DOCK2: variants seen among roughly 807,000 people sequenced by gnomAD.
DOCK2 encodes the protein dedicator of cytokinesis 2.
DOCK2 carries 87 observed loss-of-function variants against 248.9 expected under a neutral mutation model. The ratio of observed to expected loss-of-function variants is 0.35; its 90% CI spans 0.29 to 0.42. The LOEUF (loss-of-function observed/expected upper bound fraction) is 0.42. Ranked by LOEUF, DOCK2 falls within the 10% of genes least tolerant of loss-of-function variation. The pLI is 1.00. For missense variants in DOCK2, 1,747 were observed against 2,300.2 expected, an observed-to-expected ratio of 0.76 and a Z score of 4.92; for synonymous variants, 805 against 821.6, an observed-to-expected ratio of 0.98 and a Z score of 0.35.
chr5:170,058,088 G>A (rs1757200042), intron 44 of DOCK2, among the ~76,000 whole-genome samples: 1 of 152,132 alleles, frequency 6.6e-6, no homozygotes, highest in South Asian at 2.1e-4. Flanking sequence ...GCTCAGAAGG[G>A]AGAGATCATT....
At chr5:169,880,901 C>G (rs1772603038) in intron 27 of DOCK2, among the ~76,000 whole-genome samples, 2 of 152,288 alleles carry the variant, frequency 1.3e-5, no homozygotes, top group Admixed American at 6.5e-5. Context: ...AAGTTCTTAT[C>G]ATGGTTCTTG....
intron 27 of DOCK2, among the ~76,000 whole-genome samples, chr5:169,872,654 G>A (rs897701227): frequency 6.6e-6 from 1 of 152,194 alleles, no homozygotes; most frequent in African/African-American, 2.4e-5. Context: ...CTCTGTGCCA[G>A]TAAGATCTGC....
chr5:169,881,298 T>G, intron 27 of DOCK2: 1 of 1,299,230 alleles, frequency 7.7e-7, no homozygotes, highest in Non-Finnish European at 1.1e-6. Flanking sequence ...CATTTAAAAG[T>G]TTGCTAGAGT....
At position 170,034,447 on chromosome 5, in the gene DOCK2, G is replaced by C; in HGVS notation, c.3516G>C (p.Glu1172Asp). Residue 1172 changes from glutamate to aspartate, a missense_variant, in exon 35 of 52, where the codon GAG becomes GAC. By Grantham distance (45) the Glu-to-Asp change is conservative. This residue lies in a region of DOCK2 where 858 missense variants were observed against 1,183.5 expected (regional missense o/e 0.72). Coordinates refer to ENST00000520908, the MANE Select transcript of DOCK2 (RefSeq NM_004946.3). Reference sequence around the variant, plus strand: ...ACCCAACCATTGCCAAGTCGGTGGAGAACTTCGTGAACCTGGTCAAAGGCC... The same window carrying C: ...ACCCAACCATTGCCAAGTCGGTGGACAACTTCGTGAACCTGGTCAAAGGCC... ...AEHPTIAKSV[E>D]NFVNLVKGLL... 1 of 1,614,220 alleles carries C rather than the reference G, an allele frequency of 6.2e-7. No homozygotes were observed. The highest frequency in any genetic ancestry group is 8.5e-7 in the Non-Finnish European group (1 of 1,180,026).
At chr5:169,813,441 G>C (rs978579515) in intron 26 of DOCK2, among the ~76,000 whole-genome samples, 1 of 152,090 alleles carries the variant, frequency 6.6e-6, no homozygotes, top group Admixed American at 6.5e-5. Flanking sequence ...ATTGGAAAAC[G>C]TTGCATATAT....
At chr5:170,064,994 C>A (rs541328470) in intron 44 of DOCK2, among the ~76,000 whole-genome samples, 11 of 150,558 alleles carry the variant, frequency 7.3e-5, no homozygotes, top group Admixed American at 5.3e-4. Context: ...TGATGGTGGG[C>A]AAATCAATTA....
intron 46 of DOCK2, among the ~76,000 whole-genome samples, chr5:170,070,603 C>T (rs1757648499): frequency 6.6e-6 from 1 of 152,178 alleles, no homozygotes; most frequent in African/African-American, 2.4e-5. Context: ...TTAGCATCCC[C>T]AGTTTGGGAA....
intron 25 of DOCK2, among the ~76,000 whole-genome samples, chr5:169,765,183 T>C (rs428866): frequency 0.12 from 18,691 of 152,090 alleles, 1,569 homozygotes; most frequent in African/African-American, 0.23. Flanking sequence ...ATTGAGTAAA[T>C]TACTTAATCC....
intron 41 of DOCK2, among the ~76,000 whole-genome samples, chr5:170,054,379 G>C (rs1021518311): frequency 6.6e-6 from 1 of 152,032 alleles, no homozygotes; most frequent in African/African-American, 2.4e-5. Flanking sequence ...GTCAGGAGTG[G>C]GACCAGTGAC....
chr5:170,027,982 G>A, intron 34 of DOCK2, 34 bp downstream of exon 34: 1 of 1,588,076 alleles, frequency 6.3e-7, no homozygotes, highest in Non-Finnish European at 8.6e-7. Flanking sequence ...GGAACAGCCT[G>A]TGAAGGTCAG....
intron 27 of DOCK2, among the ~76,000 whole-genome samples, chr5:169,854,284 C>G (rs957400354): frequency 5.9e-5 from 9 of 151,734 alleles, no homozygotes; most frequent in South Asian, 2.1e-4. Flanking sequence ...CTCCCAGGTT[C>G]AAGGGATTCT....
In DOCK2 at chr5:169,985,393, GTA is replaced by G. The variant is rs1554124062; in HGVS notation, c.2899-433_2899-432del. Among the ~76,000 whole-genome samples the G allele has an allele frequency of 2.2e-3, 288 of 128,710 alleles. No individual in the cohort carries two copies. The Middle Eastern group carries it at 0.023, about 10-fold the overall frequency. 84.4% of individuals were successfully genotyped at this position (128,710 alleles called of 152,430 possible). A position where few individuals can be genotyped will look rare whatever the true frequency, so the allele number is the denominator to read the frequency against. On this transcript the variant is annotated intron_variant, in intron 28 of 51. Transcript: ENST00000520908. The stretch of plus-strand genomic sequence containing the variant: ...TGTGTGTGTGTGTGTGTGTGTGTGT[GTA>G]TGTGTGTGACATATGAATTAGCTGT...
At chr5:169,761,251 G>C (rs922879908) in intron 24 of DOCK2, 2 of 342,746 alleles carry the variant, frequency 5.8e-6, no homozygotes. Context: ...ATGGCATAAT[G>C]AATGCAAAAT....
chr5:169,708,316 C>A (rs769394835), intron 15 of DOCK2, 49 bp downstream of exon 15: 1 of 1,550,180 alleles, frequency 6.5e-7, no homozygotes, highest in South Asian at 1.2e-5. Flanking sequence ...TTACCATGAA[C>A]CAGGCACTGT....
rs956852711 is a variant in DOCK2, at chr5:169,647,236, A to C, written c.44-7167A>C. Among the ~76,000 whole-genome samples, 13 of 152,292 alleles carry C rather than the reference A, an allele frequency of 8.5e-5. No individual in the cohort carries two copies. In the South Asian group the frequency reaches 2.3e-3, roughly 27 times the overall value. On this transcript the variant is annotated intron_variant, in intron 1 of 51. Coordinates refer to ENST00000520908, the MANE Select transcript of DOCK2 (RefSeq NM_004946.3). ...CTTCTTCAGCACAGAGCAGGTGCTCAGCGGCTGCTGATTGGATGGATGAAG... is the reference window on the plus strand; with the variant it reads ...CTTCTTCAGCACAGAGCAGGTGCTCCGCGGCTGCTGATTGGATGGATGAAG...
At chr5:170,009,529 G>C (rs1755203845) in intron 32 of DOCK2, among the ~76,000 whole-genome samples, 1 of 152,176 alleles carries the variant, frequency 6.6e-6, no homozygotes, top group Admixed American at 6.5e-5. Flanking sequence ...GGATGGATGG[G>C]TGGATGGATG....
chr5:169,702,357 A>G lies in DOCK2; in HGVS notation c.1313A>G (p.Tyr438Cys), dbSNP rs1473103819. ...ITLLQGDFDKYNKTTQRNVEV... is the reference protein window; with the variant it reads ...ITLLQGDFDKCNKTTQRNVEV... The stretch of plus-strand genomic sequence containing the variant: ...CTCTTACAAGGTGACTTTGACAAGT[A>G]CAACAAGACCACACAGAGGAATGTG... The change falls in exon 14 of 52, where the codon TAC becomes TGC. Residue 438 changes from tyrosine to cysteine, a missense_variant. Physicochemically the swap from Tyr to Cys is radical, Grantham distance 194 (BLOSUM62 -2). Coordinates refer to ENST00000520908, the MANE Select transcript of DOCK2 (RefSeq NM_004946.3). The G allele has an allele frequency of 6.2e-7, 1 of 1,614,022 alleles. No homozygotes were observed. Among genetic ancestry groups the G allele is most frequent in the Admixed American group, 1.7e-5 (1 of 60,020 alleles).
At chr5:169,676,270 G>A (rs553483824) in intron 6 of DOCK2, among the ~76,000 whole-genome samples, 1 of 152,238 alleles carries the variant, frequency 6.6e-6, no homozygotes, top group East Asian at 1.9e-4. Flanking sequence ...TCCTATAGAT[G>A]TTGACTGTCT....
In DOCK2 at chr5:169,718,692, C is replaced by T. The variant is rs767414232; in HGVS notation, c.2168C>T (p.Thr723Ile). ...ACAGTGCTGAAGACTTACTTGGATA[C>T]CTCCAGCAGAGGGGAGCAATGTGAG... ...LMTVLKTYLD[T>I]SSRGEQCEPI... The change falls in exon 22 of 52, where the codon ACC becomes ATC. Residue 723 changes from threonine to isoleucine, a missense_variant. Physicochemically the swap from Thr to Ile is moderately conservative, Grantham distance 89 (BLOSUM62 -1). This residue lies in a region of DOCK2 where 858 missense variants were observed against 1,183.5 expected (regional missense o/e 0.72). Coordinates refer to ENST00000520908, the MANE Select transcript of DOCK2 (RefSeq NM_004946.3). 2 of 1,613,742 alleles carry T rather than the reference C, an allele frequency of 1.2e-6. No homozygotes were observed. Among genetic ancestry groups the T allele is most frequent in the East Asian group, 4.5e-5 (2 of 44,832 alleles).
Sources: allele counts gnomAD v4.1 joint callset (sites outside exome capture counted in the v4.1 genomes callset), GRCh38; gene constraint gnomAD v4.1.1; regional missense constraint gnomAD v4.1.1; transcripts MANE v1.5; gene names NCBI Gene and HGNC (gene_info 2026-07-23, HGNC 2026-07-21).